The following WIPF2 variants were observed in gnomAD, a reference collection of about 807,000 sequenced individuals.
WIPF2 encodes WAS/WASL-interacting protein family member 2.
A neutral mutation model predicts 38.8 loss-of-function variants in WIPF2; 23 were observed. The observed-to-expected ratio is 0.59, with a 90% CI of 0.43 to 0.84. The LOEUF is 0.84. Ranked by LOEUF, WIPF2 falls within the 40% of genes least tolerant of loss-of-function variation. The probability of loss-of-function intolerance (pLI) is 0.00; values close to 1 mark genes in which losing one functional copy is unlikely to be tolerated. For synonymous variants in WIPF2, 210 were observed against 223.2 expected, an observed-to-expected ratio of 0.94 and a Z score of 0.53; for missense variants, 574 against 580.5, an observed-to-expected ratio of 0.99 and a Z score of 0.11.
At chr17:40,256,124 A>G (rs1048373336) in intron 1 of WIPF2, among the ~76,000 whole-genome samples, 2 of 150,870 alleles carry the variant, frequency 1.3e-5, no homozygotes, top group South Asian at 2.1e-4. Context: ...AAAAAAGGAC[A>G]CAAGGCCTAA....
At chr17:40,263,008 C>A (rs2031960261) in intron 4 of WIPF2, among the ~76,000 whole-genome samples, 1 of 152,142 alleles carries the variant, frequency 6.6e-6, no homozygotes, top group African/African-American at 2.4e-5. Flanking sequence ...CAGTTGAACT[C>A]ACTCGTAGAA....
intron 3 of WIPF2, among the ~76,000 whole-genome samples, chr17:40,261,596 C>T (rs1473864009): frequency 6.6e-6 from 1 of 151,494 alleles, no homozygotes; most frequent in Non-Finnish European, 1.5e-5. Context: ...CTGTGCCTGG[C>T]CCCCCAAACA....
intron 6 of WIPF2, among the ~76,000 whole-genome samples, chr17:40,275,509 G>C (rs748706656): frequency 1.3e-5 from 2 of 152,028 alleles, no homozygotes; most frequent in Non-Finnish European, 2.9e-5. Flanking sequence ...TGTTAGACCC[G>C]TCTGTTGAGG....
intron 1 of WIPF2, among the ~76,000 whole-genome samples, chr17:40,239,857 C>A (rs532522379): frequency 3.3e-5 from 5 of 150,820 alleles, no homozygotes; most frequent in African/African-American, 9.8e-5. Flanking sequence ...CCACCGTGCC[C>A]GGCTAATGTT....
intron 1 of WIPF2, among the ~76,000 whole-genome samples, chr17:40,233,955 C>T (rs957599492): frequency 2.6e-5 from 4 of 152,018 alleles, no homozygotes; most frequent in Non-Finnish European, 4.4e-5. Context: ...CTCAGCTACT[C>T]GGGAGGATGA....
intron 5 of WIPF2, among the ~76,000 whole-genome samples, 195 bp downstream of exon 5, chr17:40,265,341 A>AAT (rs1189515342): frequency 6.6e-6 from 1 of 152,228 alleles, no homozygotes; most frequent in Non-Finnish European, 1.5e-5. Context: ...AAACTAGTAA[A>AAT]ATATATAAAT....
At chr17:40,228,694 A>G (rs576959693) in intron 1 of WIPF2, among the ~76,000 whole-genome samples, 29 of 151,878 alleles carry the variant, frequency 1.9e-4, no homozygotes, top group African/African-American at 7.0e-4. Context: ...AGTGGTGCAA[A>G]CATGGTTCAT....
At chr17:40,271,693 C>G (rs553087899) in intron 5 of WIPF2, among the ~76,000 whole-genome samples, 13 of 152,240 alleles carry the variant, frequency 8.5e-5, no homozygotes, top group South Asian at 6.2e-4. Context: ...AACAAATAAC[C>G]TGAGTCCCAG....
rs1326920026 is a variant in WIPF2, at chr17:40,256,336, G to A, written c.-69-55G>A. On this transcript the variant is annotated intron_variant, in intron 1 of 7. Coordinates refer to ENST00000323571, the MANE Select transcript of WIPF2 (RefSeq NM_133264.5). ...CATGCCCAGTTCTCTCATTCTCCTG[G>A]GCACTTGTATCTAATGGTAAAGCTG... 2.8e-6 allele frequency: 4 copies of A among 1,433,758 alleles called. No individual in the cohort carries two copies. The East Asian group carries it at 7.7e-5, about 28-fold the overall frequency. The allele number at this position is 1,433,758 out of a possible 1,614,324, so 88.8% of individuals were successfully genotyped here. A position where few individuals can be genotyped will look rare whatever the true frequency, so the allele number is the denominator to read the frequency against.
intron 6 of WIPF2, among the ~76,000 whole-genome samples, chr17:40,275,220 G>A: frequency 8.0e-6 from 1 of 124,308 alleles, no homozygotes. Context: ...CAGCCTGGGT[G>A]ACAGAGCAAG....
intron 7 of WIPF2, 30 bp from the exon 8 acceptor site, chr17:40,278,155 G>T: frequency 6.2e-7 from 1 of 1,606,264 alleles, no homozygotes; most frequent in Non-Finnish European, 8.5e-7. Context: ...TGACCTGTAT[G>T]TGTGTGGTCT....
At chr17:40,233,295 G>T (rs183476264) in intron 1 of WIPF2, among the ~76,000 whole-genome samples, 5 of 152,046 alleles carry the variant, frequency 3.3e-5, no homozygotes, top group African/African-American at 4.8e-5. Flanking sequence ...ACAGTGTTAG[G>T]GTTTTTTGAT....
At position 40,283,137 on chromosome 17, in the gene WIPF2, GATC is replaced by G. The variant is rs2032586362; in HGVS notation, c.*4915_*4917del. 4 of 102,402 alleles carry G rather than the reference GATC, an allele frequency of 3.9e-5. No homozygotes were observed. The South Asian group carries it at 1.4e-3, about 36-fold the overall frequency. 6.3% of individuals were successfully genotyped at this position (102,402 alleles called of 1,614,324 possible). On this transcript the variant is annotated 3_prime_UTR_variant, in exon 8 of 8. Transcript: ENST00000323571. ...GGAGGCGGAGGTTGCACTGAGCTGA[GATC>G]ATGCCACTGCACTAAAAAAAAAAAA...
At chr17:40,239,050 A>ATTTTAT (rs1228217836) in intron 1 of WIPF2, among the ~76,000 whole-genome samples, 2 of 132,910 alleles carry the variant, frequency 1.5e-5, no homozygotes, top group South Asian at 2.4e-4. Flanking sequence ...ATTTTATTTT[A>ATTTTAT]TTTATTTATT....
intron 1 of WIPF2, among the ~76,000 whole-genome samples, chr17:40,242,433 A>G (rs111494002): frequency 6.6e-6 from 1 of 152,138 alleles, no homozygotes; most frequent in African/African-American, 2.4e-5. Flanking sequence ...TTGTTTTTTG[A>G]GACAGTCTCA....
rs2032310048 is a variant in WIPF2, at chr17:40,273,813, A to G, written c.994A>G (p.Ile332Val). 1 of 1,606,426 alleles carries G rather than the reference A, an allele frequency of 6.2e-7. No individual in the cohort carries two copies. The highest frequency in any genetic ancestry group is 8.5e-7 in the Non-Finnish European group (1 of 1,175,344). Reference sequence around the variant, plus strand: ...AGCTCCTCCACCCCCACCACCTGTGATCCGAAATGGTGCCAGGGATGCTCC... The same window carrying G: ...AGCTCCTCCACCCCCACCACCTGTGGTCCGAAATGGTGCCAGGGATGCTCC... Reference protein sequence around the residue: ...GAAPPPPPPVIRNGARDAPPP... With the variant: ...GAAPPPPPPVVRNGARDAPPP... Residue 332 changes from isoleucine (I) to valine (V), a missense_variant, in exon 6 of 8, where the codon ATC becomes GTC. Coordinates refer to ENST00000323571, the MANE Select transcript of WIPF2 (RefSeq NM_133264.5).
chr17:40,231,621 C>T (rs1276694020), intron 1 of WIPF2, among the ~76,000 whole-genome samples: 1 of 151,970 alleles, frequency 6.6e-6, no homozygotes, highest in Admixed American at 6.6e-5. Flanking sequence ...GACAGGGTTT[C>T]ACCATCTTGG....
chr17:40,258,627 G>A (rs938668817), intron 2 of WIPF2, among the ~76,000 whole-genome samples: 5 of 151,862 alleles, frequency 3.3e-5, no homozygotes, highest in African/African-American at 1.2e-4. Flanking sequence ...TGATGTTGGG[G>A]GTAGAAAGAG....
intron 1 of WIPF2, among the ~76,000 whole-genome samples, chr17:40,238,758 C>T (rs1332987801): frequency 6.6e-6 from 1 of 151,868 alleles, no homozygotes; most frequent in East Asian, 1.9e-4. Context: ...GGATTATAGG[C>T]GCTTGCCATC....
Sources: gnomAD v4.1 joint callset for allele counts (sites outside exome capture counted in the v4.1 genomes callset) on GRCh38, gnomAD v4.1.1 for gene constraint, MANE v1.5 for transcripts, NCBI Gene and HGNC (gene_info 2026-07-23, HGNC 2026-07-21) for gene names.